Variants in SLC28A3 observed in about 807,000 individuals in gnomAD.
SLC28A3 encodes solute carrier family 28 member 3, also known as concentrative Na(+)-nucleoside cotransporter 3.
SLC28A3 carries 68 observed loss-of-function variants against 84.2 expected under a neutral mutation model. That is an observed-to-expected ratio of 0.81 (90% CI 0.66 to 0.99). SLC28A3 has a LOEUF of 0.99. Ranked by LOEUF, SLC28A3 falls within the 50% of genes least tolerant of loss-of-function variation. SLC28A3 has a pLI of 0.00. For synonymous variants in SLC28A3, 267 were observed against 303.6 expected, an observed-to-expected ratio of 0.88 and a Z score of 1.25; for missense variants, 712 against 841.5, an observed-to-expected ratio of 0.85 and a Z score of 1.90.
chr9:84,315,948 A>G (rs890131397), intron 1 of SLC28A3, among the ~76,000 whole-genome samples: 3 of 152,194 alleles, frequency 2.0e-5, no homozygotes, highest in Non-Finnish European at 4.4e-5. Flanking sequence ...AATGTGTAAG[A>G]AAGGTGAGGG....
chr9:84,300,859 G>A (rs1036803384), intron 5 of SLC28A3, among the ~76,000 whole-genome samples: 1 of 152,136 alleles, frequency 6.6e-6, no homozygotes, highest in Non-Finnish European at 1.5e-5. Context: ...TGGCAGGGGA[G>A]CAAGTAACAA....
upstream of SLC28A3, among the ~76,000 whole-genome samples, chr9:84,344,182 T>C (rs1564186065): frequency 5.1e-5 from 7 of 137,658 alleles, no homozygotes; most frequent in South Asian, 1.3e-3. Flanking sequence ...TCTCATCATA[T>C]GGGTTTTTTT....
chr9:84,334,884 G>A (rs895551746), intron 1 of SLC28A3, among the ~76,000 whole-genome samples: 2 of 152,112 alleles, frequency 1.3e-5, no homozygotes, highest in Non-Finnish European at 1.5e-5. Context: ...TCCTTTCGGA[G>A]TCTTTTCTGT....
the SLC28A3 span, among the ~76,000 whole-genome samples, chr9:84,352,525 AAC>A: frequency 6.6e-6 from 1 of 152,064 alleles, no homozygotes; most frequent in East Asian, 1.9e-4. Context: ...GGATTTATAT[AAC>A]ACACACACAT....
chr9:84,301,349 CAAA>C (rs59917986), intron 5 of SLC28A3, among the ~76,000 whole-genome samples: 5 of 44,722 alleles, frequency 1.1e-4, no homozygotes, highest in African/African-American at 2.5e-4. Flanking sequence ...GACTCTGTCT[CAAA>C]AAAAAAAAAA....
intron 17 of SLC28A3, 104 bp from the exon 18 acceptor site, chr9:84,278,448 T>A (rs1438075332): frequency 6.2e-6 from 9 of 1,458,372 alleles, no homozygotes; most frequent in Non-Finnish European, 8.3e-6. Context: ...AAGCTGATTT[T>A]CTTGCTCACA....
At chr9:84,291,198 A>G (rs1421337966) in intron 10 of SLC28A3, among the ~76,000 whole-genome samples, 1 of 152,196 alleles carries the variant, frequency 6.6e-6, no homozygotes, top group East Asian at 1.9e-4. Context: ...CCCCACAGGT[A>G]GGAGCAATCA....
rs780637630 is a variant in SLC28A3 at position 84,288,029 on chromosome 9, G to A, written c.1280+19C>T. 2 of 1,613,508 alleles carry A rather than the reference G, an allele frequency of 1.2e-6. No homozygotes were observed. The highest frequency in any genetic ancestry group is 2.2e-5 in the East Asian group (1 of 44,848). ...CCCGGCTTGGGTAGTCATTAATTAGGTGAATGTGTCACACTTACCCACTTT... is the reference window on the plus strand; with the variant it reads ...CCCGGCTTGGGTAGTCATTAATTAGATGAATGTGTCACACTTACCCACTTT... On this transcript the variant is annotated intron_variant, in intron 12 of 17. Transcript: ENST00000376238.
chr9:84,355,442 G>A, the SLC28A3 span, among the ~76,000 whole-genome samples: 2 of 151,956 alleles, frequency 1.3e-5, no homozygotes, highest in African/African-American at 2.4e-5. Context: ...TGTCTTGGGG[G>A]AAAAAAACAC....
intron 3 of SLC28A3, among the ~76,000 whole-genome samples, chr9:84,306,346 C>G (rs1437222729): frequency 6.6e-6 from 1 of 152,200 alleles, no homozygotes; most frequent in Non-Finnish European, 1.5e-5. Flanking sequence ...CTCCACTACC[C>G]CGCCTTCCAA....
At chr9:84,347,251 G>T in the SLC28A3 span, among the ~76,000 whole-genome samples, 1 of 146,336 alleles carries the variant, frequency 6.8e-6, no homozygotes, top group Admixed American at 6.8e-5. Flanking sequence ...AAGAGAACTA[G>T]TGACTGTTGA....
upstream of SLC28A3, among the ~76,000 whole-genome samples, chr9:84,341,944 C>T (rs1446074797): frequency 2.0e-5 from 3 of 152,054 alleles, no homozygotes; most frequent in Non-Finnish European, 4.4e-5. Context: ...GCCTGGCCAA[C>T]ATGGCGAAAC....
chr9:84,368,584 C>T, the SLC28A3 span, among the ~76,000 whole-genome samples: 1 of 152,008 alleles, frequency 6.6e-6, no homozygotes, highest in Non-Finnish European at 1.5e-5. Flanking sequence ...GAAATGTCAT[C>T]TGGGAGCTGG....
At position 84,279,369 on chromosome 9, in the gene SLC28A3, A is replaced by C. The variant is rs776396239; in HGVS notation, c.1845T>G (p.Thr615=). 1 of 1,591,388 alleles carries C rather than the reference A, an allele frequency of 6.3e-7. No homozygotes were observed. The highest frequency in any genetic ancestry group is 8.6e-7 in the Non-Finnish European group (1 of 1,168,826). ...CGTGATGGCAGTTGATGTCCACAGG[A>C]GTGCTGGAGAGTATGCCTAGAAGTG... The part of the protein sequence containing the change: ...TACIAGILSS[T]PVDINCHHVL... Residue 615 remains threonine (T), a synonymous_variant, in exon 17 of 18, where the codon ACT becomes ACG. Coordinates refer to ENST00000376238, the MANE Select transcript of SLC28A3 (RefSeq NM_001199633.2).
At chr9:84,340,526 C>T (rs746434539) in intron 1 of SLC28A3, 48 bp downstream of exon 1, 24 of 1,597,634 alleles carry the variant, frequency 1.5e-5, no homozygotes, top group Non-Finnish European at 2.1e-5. Flanking sequence ...AAGGAAAGGG[C>T]AGCTTTTCCA....
intron 1 of SLC28A3, among the ~76,000 whole-genome samples, chr9:84,338,759 T>C (rs7043257): frequency 0.79 from 119,429 of 152,046 alleles, 46,952 homozygotes; most frequent in Admixed American, 0.85. Flanking sequence ...GGAATCAGAA[T>C]GGGCCCATGC....
the SLC28A3 span, among the ~76,000 whole-genome samples, chr9:84,354,474 C>G: frequency 6.6e-6 from 1 of 152,182 alleles, no homozygotes; most frequent in East Asian, 1.9e-4. Flanking sequence ...ATAGGAGTGG[C>G]CTGGGAAAGA....
At chr9:84,295,863 G>GA (rs998408402) in intron 8 of SLC28A3, among the ~76,000 whole-genome samples, 34 of 151,988 alleles carry the variant, frequency 2.2e-4, no homozygotes, top group African/African-American at 8.0e-4. Context: ...ATCTAATTTA[G>GA]AAAAAAATCC....
the SLC28A3 span, among the ~76,000 whole-genome samples, chr9:84,353,976 A>C: frequency 6.6e-6 from 1 of 152,334 alleles, no homozygotes; most frequent in East Asian, 1.9e-4. Flanking sequence ...AATCCTACTT[A>C]TCGGCTTCCT....
Sources: gnomAD v4.1 joint callset for allele counts (sites outside exome capture counted in the v4.1 genomes callset) on GRCh38, gnomAD v4.1.1 for gene constraint, MANE v1.5 for transcripts, NCBI Gene and HGNC (gene_info 2026-07-23, HGNC 2026-07-21) for gene names.